FCHO2: variants seen among roughly 807,000 people sequenced by gnomAD.
The protein encoded by FCHO2 is FCH and mu domain containing endocytic adaptor 2.
Under a neutral mutation model 114.1 loss-of-function variants are expected in FCHO2, and 43 were observed. That is an observed-to-expected ratio of 0.38 (90% CI 0.30 to 0.49). FCHO2 has a LOEUF of 0.49. Among genes scored for constraint, FCHO2 ranks in the 20% least tolerant of loss-of-function variants. The pLI, the probability that FCHO2 is intolerant of heterozygous loss-of-function variation, is 0.97. For synonymous variants in FCHO2, 293 were observed against 315.2 expected (o/e 0.93, Z 0.75); for missense variants, 807 against 950.4 (o/e 0.85, Z 1.98).
chr5:73,062,382 G>A (rs1757893143), intron 17 of FCHO2, among the ~76,000 whole-genome samples: 1 of 152,114 alleles, frequency 6.6e-6, no homozygotes, highest in Non-Finnish European at 1.5e-5. Context: ...CAGACCACTT[G>A]ATCAGTAATA....
At chr5:73,054,102 C>A in intron 13 of FCHO2, 58 bp from the exon 14 acceptor site, 1 of 1,296,242 alleles carries the variant, frequency 7.7e-7, no homozygotes, top group Non-Finnish European at 1.1e-6. Flanking sequence ...TATTACAGCA[C>A]AAAAATACAG....
At chr5:73,010,407 T>C (rs569786859) in intron 6 of FCHO2, among the ~76,000 whole-genome samples, 16 of 152,302 alleles carry the variant, frequency 1.1e-4, no homozygotes, top group African/African-American at 3.6e-4. Context: ...GGCTAGTTTA[T>C]GGAAACTTTG....
At chr5:73,053,119 TTAAGTA>T (rs1330149420) in intron 13 of FCHO2, among the ~76,000 whole-genome samples, 1 of 152,192 alleles carries the variant, frequency 6.6e-6, no homozygotes, top group East Asian at 1.9e-4. Flanking sequence ...TTAGGATAAG[TTAAGTA>T]TATCTATATG....
intron 2 of FCHO2, among the ~76,000 whole-genome samples, chr5:72,969,400 A>G (rs1020952677): frequency 2.0e-5 from 3 of 152,212 alleles, no homozygotes; most frequent in Admixed American, 6.5e-5. Context: ...AAACTATTCT[A>G]TAAGTTCGGT....
chr5:73,068,065 CA>C (rs1417515205), intron 18 of FCHO2, among the ~76,000 whole-genome samples: 1 of 151,684 alleles, frequency 6.6e-6, no homozygotes, highest in Non-Finnish European at 1.5e-5. Flanking sequence ...TTGTAAACAC[CA>C]AAAGTGTAAA....
chr5:73,062,179 A>C (rs1200365588), intron 17 of FCHO2, among the ~76,000 whole-genome samples: 1 of 152,142 alleles, frequency 6.6e-6, no homozygotes, highest in Non-Finnish European at 1.5e-5. Context: ...TGAAGAAAGT[A>C]AACAATTGCA....
At chr5:73,046,080 A>G (rs1757039631) in intron 11 of FCHO2, among the ~76,000 whole-genome samples, 2 of 152,126 alleles carry the variant, frequency 1.3e-5, no homozygotes, top group African/African-American at 4.8e-5. Context: ...TTTGTTTTTA[A>G]TAGAGCTAGG....
intron 10 of FCHO2, chr5:73,037,753 T>C: frequency 4.9e-6 from 2 of 406,978 alleles, no homozygotes; most frequent in East Asian, 8.6e-5. Flanking sequence ...TAAGTCTGAT[T>C]TACCTTCTTT....
chr5:73,031,450 G>A (rs932814992), intron 8 of FCHO2, among the ~76,000 whole-genome samples: 2 of 152,054 alleles, frequency 1.3e-5, no homozygotes, highest in Admixed American at 6.5e-5. Context: ...TGAGATTTAG[G>A]ATTGATTCCG....
chr5:73,048,601 T>A (rs1314595978), intron 11 of FCHO2, among the ~76,000 whole-genome samples: 1 of 152,212 alleles, frequency 6.6e-6, no homozygotes, highest in Non-Finnish European at 1.5e-5. Flanking sequence ...TTAGGTAATT[T>A]CTAATAATTA....
chr5:73,009,194 A>C (rs1754868662), intron 6 of FCHO2, among the ~76,000 whole-genome samples: 1 of 152,250 alleles, frequency 6.6e-6, no homozygotes, highest in Non-Finnish European at 1.5e-5. Flanking sequence ...TGAGATAGAA[A>C]GTTGCAATTT....
In FCHO2 at chr5:72,990,481, A is replaced by G. The variant is rs1320817024; in HGVS notation, c.204A>G (p.Thr68=). 6.6e-7 allele frequency: 1 copy of G among 1,505,512 alleles called. No individual in the cohort carries two copies. Among genetic ancestry groups the G allele is most frequent in the African/African-American group, 1.4e-5 (1 of 70,264 alleles). The allele number at this position is 1,505,512 out of a possible 1,614,324, so 93.3% of individuals were successfully genotyped here. A position where few individuals can be genotyped will look rare whatever the true frequency, so the allele number is the denominator to read the frequency against. The change falls in exon 4 of 26, where the codon ACA becomes ACG. Residue 68 remains threonine, a synonymous_variant. Transcript: ENST00000430046. ...CCCATATTTTTTATTTTCTTAGAAC[A>G]TTTGCACCAGTATGGGATGTATTCA... The part of the protein sequence containing the change: ...KSASNYSQLG[T]FAPVWDVFKT...
intron 5 of FCHO2, among the ~76,000 whole-genome samples, chr5:72,996,479 AC>A (rs1754107986): frequency 6.6e-6 from 1 of 152,052 alleles, no homozygotes. Flanking sequence ...CTTTTATATA[AC>A]CTTTAATTCT....
intron 8 of FCHO2, among the ~76,000 whole-genome samples, chr5:73,024,064 T>C (rs1755782772): frequency 1.3e-5 from 2 of 152,140 alleles, no homozygotes; most frequent in South Asian, 4.1e-4. Flanking sequence ...TTCTTTTCTT[T>C]TCCTTTTTTT....
In FCHO2 at chr5:73,014,575, A is replaced by C. The variant is rs187164226; in HGVS notation, c.601-1051A>C. Among the ~76,000 whole-genome samples, 284 of 152,272 alleles carry C rather than the reference A, an allele frequency of 1.9e-3. 3 individuals carry two copies. Among genetic ancestry groups the C allele is most frequent in the African/African-American group, 6.4e-3 (267 of 41,568 alleles). The stretch of plus-strand genomic sequence containing the variant: ...AGTGCTGGGATTATAGGTGTGAGCC[A>C]CCGTGCCCGGTGTATATTATTATTT... On this transcript the variant is annotated intron_variant, in intron 6 of 25. Transcript: ENST00000430046.
At chr5:73,006,954 C>T (rs894147128) in intron 6 of FCHO2, among the ~76,000 whole-genome samples, 8 of 152,158 alleles carry the variant, frequency 5.3e-5, no homozygotes, top group African/African-American at 7.2e-5. Context: ...AAATGTCTGC[C>T]ATCCATTAGC....
chr5:73,058,307 G>A (rs1377031176), intron 16 of FCHO2, 126 bp from the exon 17 acceptor site: 3 of 569,278 alleles, frequency 5.3e-6, no homozygotes, highest in Non-Finnish European at 5.8e-6. Flanking sequence ...CATGGTGCCT[G>A]GCCCTAACTT....
chr5:72,972,108 G>C lies in FCHO2; in HGVS notation c.125+3519G>C, dbSNP rs577550327. Among the ~76,000 whole-genome samples the C allele has an allele frequency of 4.9e-3, 751 of 152,158 alleles. 8 individuals carry two copies. The highest frequency in any genetic ancestry group is 6.9e-3 in the Non-Finnish European group (469 of 68,000). ...ATGCTGTTTTGGTTACTGTAGCCTT[G>C]TAGTATAGTTTGAAGTCAGGTAGTG... On this transcript the variant is annotated intron_variant, in intron 2 of 25. Transcript: ENST00000430046.
At chr5:72,981,262 A>T (rs549067992) in intron 2 of FCHO2, among the ~76,000 whole-genome samples, 9 of 152,280 alleles carry the variant, frequency 5.9e-5, no homozygotes, top group East Asian at 5.8e-4. Flanking sequence ...AAGAATGTTG[A>T]AAATTGGCCC....
Sources: gnomAD v4.1 joint callset for allele counts (sites outside exome capture counted in the v4.1 genomes callset) on GRCh38, gnomAD v4.1.1 for gene constraint, MANE v1.5 for transcripts, NCBI Gene and HGNC (gene_info 2026-07-23, HGNC 2026-07-21) for gene names.